Variants in RPS27L observed in about 807,000 individuals in gnomAD.
The protein encoded by RPS27L is ribosomal protein S27 like.
RPS27L carries 10 observed loss-of-function variants against 12.8 expected under a neutral mutation model. That is an observed-to-expected ratio of 0.78 (90% CI 0.48 to 1.33). RPS27L has a LOEUF of 1.33. Among genes scored for constraint, RPS27L ranks in the 40% most tolerant of loss-of-function variants. The probability of loss-of-function intolerance (pLI) is 0.00; values close to 1 mark genes in which losing one functional copy is unlikely to be tolerated. For missense variants in RPS27L, 81 were observed against 97.4 expected (o/e 0.83, Z 0.71); for synonymous variants, 26 against 32.3 (o/e 0.81, Z 0.66).
intron 1 of RPS27L, chr15:63,156,763 AAAC>A (rs1391601562): frequency 1.7e-6 from 1 of 593,504 alleles, no homozygotes; most frequent in East Asian, 2.9e-5. Context: ...ATGGTAAGGC[AAAC>A]TTTGTCCTTC....
At chr15:63,157,160 G>T in intron 1 of RPS27L, 1 of 588,202 alleles carries the variant, frequency 1.7e-6, no homozygotes, top group South Asian at 1.9e-5. Context: ...GCTACACAGA[G>T]AACTGTTCCC....
In RPS27L at chr15:63,157,422, G is replaced by A. The variant is rs1284431425; in HGVS notation, c.-17C>T. ...CACAGGCATGTTGATCCTCTTGCAAGCTCAGCCCTACCAGACCTCCCAGCC... is the reference window on the plus strand; with the variant it reads ...CACAGGCATGTTGATCCTCTTGCAAACTCAGCCCTACCAGACCTCCCAGCC... On this transcript the variant is annotated 5_prime_UTR_variant, in exon 1 of 4. Coordinates refer to ENST00000330964, the MANE Select transcript of RPS27L (RefSeq NM_015920.4). The A allele has an allele frequency of 1.2e-6, 2 of 1,613,964 alleles. No homozygotes were observed. The highest frequency in any genetic ancestry group is 1.3e-5 in the African/African-American group (1 of 74,926).
Position 63,157,468 on chromosome 15 carries a change from A to G in RPS27L, c.-63T>C, listed in dbSNP as rs1343446225. On this transcript the variant is annotated 5_prime_UTR_variant, in exon 1 of 4. Coordinates refer to ENST00000330964, the MANE Select transcript of RPS27L (RefSeq NM_015920.4). ...CAGCCCACACAGCTAGCAAGCTGCA[A>G]GCGATCTGCGCTCGGCATCAACTTC... is the stretch of plus-strand genomic sequence containing the variant. 10 of 1,600,570 alleles carry G rather than the reference A, an allele frequency of 6.2e-6. No individual in the cohort carries two copies. The Admixed American group carries it at 1.5e-4, about 24-fold the overall frequency.
Position 63,155,683 on chromosome 15 carries a change from A to G in RPS27L, c.164T>C (p.Leu55Pro). The G allele has an allele frequency of 6.4e-7, 1 of 1,574,794 alleles. No homozygotes were observed. Among genetic ancestry groups the G allele is most frequent in the Non-Finnish European group, 8.6e-7 (1 of 1,161,020 alleles). The change falls in exon 3 of 4, where the codon CTT becomes CCT. Residue 55 changes from leucine to proline, a missense_variant. Transcript: ENST00000330964. ...CAACACTGTTGAACAACCTACACAA[A>G]GAACCACTGTCTGAGCATGGCTGAA... ...TVFSHAQTVV[L>P]CVGCSTVLCQ... is the part of the protein sequence containing the mutation.
At position 63,151,178 on chromosome 15, in the gene RPS27L, T is replaced by C. The variant is rs1566996734; in HGVS notation, c.*2854A>G. 1 of 152,204 alleles carries C rather than the reference T, an allele frequency of 6.6e-6. No homozygotes were observed. Among genetic ancestry groups the C allele is most frequent in the East Asian group, 1.9e-4 (1 of 5,196 alleles). The allele number at this position is 152,204 out of a possible 1,614,324, so 9.4% of individuals were successfully genotyped here. A position where few individuals can be genotyped will look rare whatever the true frequency, so the allele number is the denominator to read the frequency against. Reference sequence around the variant, plus strand: ...TTCAAAACCAGTAATACCATCTAGATTAATAATAAAGTAAAACTTAATACA... The same window carrying C: ...TTCAAAACCAGTAATACCATCTAGACTAATAATAAAGTAAAACTTAATACA... On this transcript the variant is annotated 3_prime_UTR_variant, in exon 4 of 4. Transcript: ENST00000330964.
chr15:63,156,099 T>C (rs2037330493), intron 2 of RPS27L, among the ~76,000 whole-genome samples: 1 of 152,222 alleles, frequency 6.6e-6, no homozygotes, highest in Admixed American at 6.5e-5. Context: ...GCCATTGTAT[T>C]GGGCAGCACA....
At position 63,150,853 on chromosome 15, in the gene RPS27L, G is replaced by T. The variant is rs2141084255; in HGVS notation, c.*3179C>A. 6.6e-6 allele frequency: 1 copy of T among 152,296 alleles called. No homozygotes were observed. The allele number at this position is 152,296 out of a possible 1,614,324, so 9.4% of individuals were successfully genotyped here. On this transcript the variant is annotated 3_prime_UTR_variant, in exon 4 of 4. Transcript: ENST00000330964. ...GACGGGGTTACACCGTGTTAGCCAG[G>T]GTGGTCTCGATCTCCTGACCTCGTG...
chr15:63,157,438 C>T lies in RPS27L; in HGVS notation c.-33G>A, dbSNP rs747590778. 3.2e-5 allele frequency: 51 copies of T among 1,613,682 alleles called. No homozygotes were observed. The highest frequency in any genetic ancestry group is 4.2e-5 in the Non-Finnish European group (49 of 1,179,676). ...CTCTTGCAAGCTCAGCCCTACCAGA[C>T]CTCCCAGCCCACACAGCTAGCAAGC... On this transcript the variant is annotated 5_prime_UTR_variant, in exon 1 of 4. Transcript: ENST00000330964.
At chr15:63,156,547 A>G (rs756992962) in intron 1 of RPS27L, 26 bp from the exon 2 acceptor site, 4 of 1,393,418 alleles carry the variant, frequency 2.9e-6, no homozygotes, top group East Asian at 4.6e-5. Context: ...TATTATTACT[A>G]TTAGTTTTAA....
At chr15:63,155,580 A>C in intron 3 of RPS27L, 41 bp downstream of exon 3, 1 of 1,239,324 alleles carries the variant, frequency 8.1e-7, no homozygotes, top group Non-Finnish European at 1.2e-6. Context: ...ATTTATAATC[A>C]TCAATCTCAT....
intron 1 of RPS27L, 141 bp downstream of exon 1, chr15:63,157,259 C>T (rs1228935558): frequency 3.2e-6 from 3 of 942,056 alleles, no homozygotes; most frequent in African/African-American, 3.3e-5. Flanking sequence ...ATGCCCGCCA[C>T]GCGCGAAGAC....
chr15:63,152,276 A>T lies in RPS27L; in HGVS notation c.*1756T>A, dbSNP rs896532734. On this transcript the variant is annotated 3_prime_UTR_variant, in exon 4 of 4. Coordinates refer to ENST00000330964, the MANE Select transcript of RPS27L (RefSeq NM_015920.4). ...GAGCCAAGACACTGTCTCTATTTTT[A>T]AAAAAATCATCACATCACTTTTGCT... 2.0e-5 allele frequency: 3 copies of T among 152,240 alleles called. No homozygotes were observed. Among genetic ancestry groups the T allele is most frequent in the African/African-American group, 4.8e-5 (2 of 41,558 alleles). The allele number at this position is 152,240 out of a possible 1,614,324, so 9.4% of individuals were successfully genotyped here.
intron 3 of RPS27L, 48 bp from the exon 4 acceptor site, chr15:63,154,108 G>A: frequency 6.7e-7 from 1 of 1,488,612 alleles, no homozygotes; most frequent in Non-Finnish European, 9.3e-7. Context: ...TTCTACCTTT[G>A]CTATAATTTT....
Position 63,154,075 on chromosome 15 carries a change from T to C in RPS27L, c.227-15A>G, listed in dbSNP as rs199724505. The C allele has an allele frequency of 6.2e-7, 1 of 1,600,420 alleles. No homozygotes were observed. Among genetic ancestry groups the C allele is most frequent in the Non-Finnish European group, 8.6e-7 (1 of 1,168,814 alleles). ...AAATGAACACCCTGCAAAAGAATCA[T>C]GAGAGTATATTAAACAAGTGCATTC... is the stretch of plus-strand genomic sequence containing the variant. On this transcript the variant is annotated splice_polypyrimidine_tract_variant and intron_variant, in intron 3 of 3. Transcript: ENST00000330964.
Position 63,157,458 on chromosome 15 carries a change from G to C in RPS27L, c.-53C>G. 2 of 1,607,092 alleles carry C rather than the reference G, an allele frequency of 1.2e-6. No individual in the cohort carries two copies. The highest frequency in any genetic ancestry group is 1.7e-6 in the Non-Finnish European group (2 of 1,173,656). ...CCAGACCTCCCAGCCCACACAGCTA[G>C]CAAGCTGCAAGCGATCTGCGCTCGG... On this transcript the variant is annotated 5_prime_UTR_variant, in exon 1 of 4. Coordinates refer to ENST00000330964, the MANE Select transcript of RPS27L (RefSeq NM_015920.4).
chr15:63,156,759 AGG>A (rs1190645115), intron 1 of RPS27L: 1 of 595,078 alleles, frequency 1.7e-6, no homozygotes, highest in East Asian at 2.9e-5. Flanking sequence ...ACATATGGTA[AGG>A]CAAACTTTGT....
In RPS27L at chr15:63,151,036, A is replaced by G. The variant is rs2037296668; in HGVS notation, c.*2996T>C. The G allele has an allele frequency of 6.6e-6, 1 of 152,190 alleles. No homozygotes were observed. The highest frequency in any genetic ancestry group is 1.5e-5 in the Non-Finnish European group (1 of 68,032). The allele number at this position is 152,190 out of a possible 1,614,324, so 9.4% of individuals were successfully genotyped here. On this transcript the variant is annotated 3_prime_UTR_variant, in exon 4 of 4. Coordinates refer to ENST00000330964, the MANE Select transcript of RPS27L (RefSeq NM_015920.4). The stretch of plus-strand genomic sequence containing the variant: ...AGTTTATGGAAGGTTTCCTTTACAA[A>G]TATATTTACATTAAAATATGAAGTC...
rs114607880 is a variant in RPS27L at position 63,156,212 on chromosome 15, T to C, written c.115+201A>G. 7.9e-3 allele frequency among the ~76,000 whole-genome samples: 1,196 copies of C among 152,346 alleles called. 16 individuals carry two copies. The highest frequency in any genetic ancestry group is 0.027 in the African/African-American group (1,106 of 41,568). On this transcript the variant is annotated intron_variant, in intron 2 of 3. Coordinates refer to ENST00000330964, the MANE Select transcript of RPS27L (RefSeq NM_015920.4). Reference sequence around the variant, plus strand: ...TGCTAAGTCAAATGGCATATCTCCTTTGAATGCCTGTTTTCACTTACCCCG... The same window carrying C: ...TGCTAAGTCAAATGGCATATCTCCTCTGAATGCCTGTTTTCACTTACCCCG...
At chr15:63,155,179 T>C (rs955681793) in intron 3 of RPS27L, 1 of 152,042 alleles carries the variant, frequency 6.6e-6, no homozygotes, top group Non-Finnish European at 1.5e-5. Context: ...TCCCAGCTAC[T>C]TGGGAGGCAG....
Sources: gnomAD v4.1 joint callset for allele counts (sites outside exome capture counted in the v4.1 genomes callset) on GRCh38, gnomAD v4.1.1 for gene constraint, MANE v1.5 for transcripts, NCBI Gene and HGNC (gene_info 2026-07-23, HGNC 2026-07-21) for gene names.